SLC25A36: variants seen among roughly 807,000 people sequenced by gnomAD.
The protein encoded by SLC25A36 is solute carrier family 25 member 36, also known as epididymis secretory sperm binding protein.
In SLC25A36, 24 loss-of-function variants were observed where a neutral mutation model predicts 35.3. The observed-to-expected ratio is 0.68, with a 90% confidence interval of 0.49 to 0.96. The LOEUF (loss-of-function observed/expected upper bound fraction) is 0.96, where lower values mean the gene tolerates loss of function less well. Among genes scored for constraint, SLC25A36 ranks in the 40% least tolerant of loss-of-function variants. SLC25A36 has a pLI of 0.00. For synonymous variants in SLC25A36, 141 were observed against 132.2 expected (o/e 1.07, Z -0.46); for missense variants, 294 against 381.1 (o/e 0.77, Z 1.90).
chr3:140,947,928 T>C (rs774095937), intron 1 of SLC25A36, among the ~76,000 whole-genome samples: 3 of 152,026 alleles, frequency 2.0e-5, no homozygotes, highest in Non-Finnish European at 4.4e-5. Context: ...GTATAGAATT[T>C]CAGGGAGAGT....
At chr3:140,959,640 T>C (rs546248607) in intron 3 of SLC25A36, 100 bp downstream of exon 3, 1 of 516,134 alleles carries the variant, frequency 1.9e-6, no homozygotes, top group South Asian at 4.6e-5. Flanking sequence ...AATTTATAAA[T>C]GTAGTATTCA....
At chr3:140,956,747 G>C in intron 2 of SLC25A36, 56 bp downstream of exon 2, 3 of 1,489,394 alleles carry the variant, frequency 2.0e-6, no homozygotes, top group Non-Finnish European at 2.7e-6. Context: ...GTGAGTTCCA[G>C]ATGTTTGTTT....
At chr3:140,970,251 A>G (rs1370666392) in intron 4 of SLC25A36, 3 of 151,972 alleles carry the variant, frequency 2.0e-5, no homozygotes, top group Admixed American at 6.6e-5. Context: ...TTCCATGTCT[A>G]TAAAAGAGGG....
rs184041943 is a variant in SLC25A36 at position 140,955,833 on chromosome 3, A to G, written c.42-694A>G. ...CAGCCTCCCGAGTAGCCAGGACTAC[A>G]TGCATGCCCCACCACACCTGGCTAA... is the stretch of plus-strand genomic sequence containing the variant. On this transcript the variant is annotated intron_variant, in intron 1 of 6. Coordinates refer to ENST00000324194, the MANE Select transcript of SLC25A36 (RefSeq NM_001104647.3). Among the ~76,000 whole-genome samples the G allele has an allele frequency of 2.9e-3, 448 of 152,236 alleles. 2 individuals carry two copies. The highest frequency in any genetic ancestry group is 9.6e-3 in the African/African-American group (398 of 41,538).
intron 1 of SLC25A36, among the ~76,000 whole-genome samples, chr3:140,954,650 T>C (rs1330389156): frequency 6.6e-6 from 1 of 152,230 alleles, no homozygotes; most frequent in Non-Finnish European, 1.5e-5. Context: ...GAATTCTGTG[T>C]GTTTATTTGC....
chr3:140,952,081 A>G (rs1330629521), intron 1 of SLC25A36, among the ~76,000 whole-genome samples: 1 of 151,228 alleles, frequency 6.6e-6, no homozygotes, highest in Non-Finnish European at 1.5e-5. Context: ...CAGTGGCACA[A>G]TCTCGGCTCA....
intron 1 of SLC25A36, among the ~76,000 whole-genome samples, chr3:140,952,121 A>T (rs1285356038): frequency 6.6e-6 from 1 of 151,114 alleles, no homozygotes; most frequent in Non-Finnish European, 1.5e-5. Context: ...GGTTGAAGCG[A>T]TTCTACTGCC....
chr3:140,968,038 C>G (rs574466168), intron 4 of SLC25A36: 124 of 984,588 alleles, frequency 1.3e-4, no homozygotes, highest in Middle Eastern at 1.0e-3. Context: ...GTGTGTTTGT[C>G]ATATAAGTAG....
chr3:140,969,092 TG>T (rs1286496753), intron 4 of SLC25A36, among the ~76,000 whole-genome samples: 2 of 151,808 alleles, frequency 1.3e-5, no homozygotes, highest in Non-Finnish European at 3.0e-5. Context: ...ATCATTAAAT[TG>T]GAGTTTGACC....
chr3:140,964,576 C>T (rs1934712778), intron 4 of SLC25A36: 1 of 151,738 alleles, frequency 6.6e-6, no homozygotes, highest in African/African-American at 2.4e-5. Context: ...TTTTCCCCTA[C>T]GAATTTGGAT....
In SLC25A36 at chr3:140,956,506, CTTTT is replaced by C. The variant is rs75174363; in HGVS notation, c.42-6_42-3del. 7.5e-4 allele frequency: 1,073 copies of C among 1,421,312 alleles called. No homozygotes were observed. Among genetic ancestry groups the C allele is most frequent in the South Asian group, 2.6e-3 (166 of 63,222 alleles). 88.0% of individuals were successfully genotyped at this position (1,421,312 alleles called of 1,614,324 possible). A position where few individuals can be genotyped will look rare whatever the true frequency, so the allele number is the denominator to read the frequency against. On this transcript the variant is annotated splice_polypyrimidine_tract_variant and intron_variant, in intron 1 of 6. Transcript: ENST00000324194. ...ATGAATTAAGTAGATAAGCTGTGTT[CTTTT>C]TTTTTTTTTTTTTTAGATGTGGTGG...
intron 1 of SLC25A36, among the ~76,000 whole-genome samples, chr3:140,953,831 A>T (rs951606888): frequency 3.9e-5 from 6 of 152,160 alleles, no homozygotes; most frequent in African/African-American, 1.2e-4. Context: ...TTAGCTGTGC[A>T]TGGTGGCATG....
intron 1 of SLC25A36, among the ~76,000 whole-genome samples, chr3:140,948,905 C>T (rs938425324): frequency 2.6e-5 from 4 of 152,148 alleles, no homozygotes; most frequent in African/African-American, 9.7e-5. Context: ...GGCTGAAATT[C>T]ATCTGCTATT....
At chr3:140,959,231 G>T (rs1337614714) in intron 2 of SLC25A36, among the ~76,000 whole-genome samples, 2 of 151,794 alleles carry the variant, frequency 1.3e-5, no homozygotes, top group African/African-American at 4.8e-5. Context: ...GGCCAGGCTG[G>T]TCTTGAACTT....
At chr3:140,942,353 G>T (rs1559808010) in intron 1 of SLC25A36, 2 of 375,654 alleles carry the variant, frequency 5.3e-6, no homozygotes, top group Non-Finnish European at 9.6e-6. Context: ...AGAGGGTTGA[G>T]GCATGAAACC....
At position 140,956,656 on chromosome 3, in the gene SLC25A36, C is replaced by T; in HGVS notation, c.171C>T (p.Asn57=). ...ACACCATGGCTGGAGCCAGTGTCAA[C>T]CGAGTAGTGTCTCCCGGACCTCTTC... ...QLNTMAGASV[N]RVVSPGPLHC... The change falls in exon 2 of 7, where the codon AAC becomes AAT. Residue 57 remains asparagine (N), a synonymous_variant. Coordinates refer to ENST00000324194, the MANE Select transcript of SLC25A36 (RefSeq NM_001104647.3). The T allele has an allele frequency of 6.2e-7, 1 of 1,613,608 alleles. No homozygotes were observed. Among genetic ancestry groups the T allele is most frequent in the Non-Finnish European group, 8.5e-7 (1 of 1,179,820 alleles).
At chr3:140,956,392 C>G in intron 1 of SLC25A36, 135 bp from the exon 2 acceptor site, 2 of 1,101,386 alleles carry the variant, frequency 1.8e-6, no homozygotes, top group Non-Finnish European at 1.2e-6. Flanking sequence ...TCAGTTTAGT[C>G]ATCTAACATT....
In SLC25A36 at chr3:140,980,500, G is replaced by A. The variant is rs940576163; in HGVS notation, c.*4047G>A. Among the ~76,000 whole-genome samples, 1 of 152,070 alleles carries A rather than the reference G, an allele frequency of 6.6e-6. No individual in the cohort carries two copies. Among genetic ancestry groups the A allele is most frequent in the Non-Finnish European group, 1.5e-5 (1 of 68,012 alleles). On this transcript the variant is annotated 3_prime_UTR_variant, in exon 7 of 7. Coordinates refer to ENST00000324194, the MANE Select transcript of SLC25A36 (RefSeq NM_001104647.3). Reference sequence around the variant, plus strand: ...TTGTTGGTTCTACTAATAGTACTCTGCACTGAAGGCACTGGCAAAATAATG... The same window carrying A: ...TTGTTGGTTCTACTAATAGTACTCTACACTGAAGGCACTGGCAAAATAATG...
At position 140,978,379 on chromosome 3, in the gene SLC25A36, T is replaced by G. The variant is rs536444865; in HGVS notation, c.*1926T>G. 1 of 152,174 alleles carries G rather than the reference T, an allele frequency of 6.6e-6. No homozygotes were observed. The highest frequency in any genetic ancestry group is 2.4e-5 in the African/African-American group (1 of 41,442). The allele number at this position is 152,174 out of a possible 1,614,324, so 9.4% of individuals were successfully genotyped here. A position where few individuals can be genotyped will look rare whatever the true frequency, so the allele number is the denominator to read the frequency against. On this transcript the variant is annotated 3_prime_UTR_variant, in exon 7 of 7. Transcript: ENST00000324194. ...GTCTGAATCTATCGTGTTTGCCTTT[T>G]CAGGTGCCATTTCTACTGCCTAATA...
Sources: allele counts gnomAD v4.1 joint callset (sites outside exome capture counted in the v4.1 genomes callset), GRCh38; gene constraint gnomAD v4.1.1; transcripts MANE v1.5; gene names NCBI Gene and HGNC (gene_info 2026-07-23, HGNC 2026-07-21).